RNF216: variants seen among roughly 807,000 people sequenced by gnomAD.
The protein encoded by RNF216 is E3 ubiquitin-protein ligase RNF216.
Under a neutral mutation model 110.8 loss-of-function variants are expected in RNF216, and 72 were observed. That is an observed-to-expected ratio of 0.65 (90% CI 0.54 to 0.79). The LOEUF (loss-of-function observed/expected upper bound fraction) is 0.79, where lower values mean the gene tolerates loss of function less well. Among genes scored for constraint, RNF216 ranks in the 30% least tolerant of loss-of-function variants. The pLI is 0.00. For missense variants in RNF216, 1,342 were observed against 1,141.2 expected, an observed-to-expected ratio of 1.18 and a Z score of -2.54; for synonymous variants, 495 against 407.5, an observed-to-expected ratio of 1.21 and a Z score of -2.59.
At chr7:5,657,786 T>G (rs1163093333) in intron 13 of RNF216, among the ~76,000 whole-genome samples, 2 of 152,142 alleles carry the variant, frequency 1.3e-5, no homozygotes, top group Admixed American at 1.3e-4. Context: ...GATTTTAAGA[T>G]GGAACCCCTT....
chr7:5,722,841 G>A (rs902085138), intron 8 of RNF216, among the ~76,000 whole-genome samples: 6 of 149,088 alleles, frequency 4.0e-5, no homozygotes, highest in African/African-American at 1.6e-4. Flanking sequence ...GTCCAACATG[G>A]TGAAACCCCC....
chr7:5,779,590 TG>T (rs1796963428), intron 1 of RNF216, among the ~76,000 whole-genome samples: 1 of 151,510 alleles, frequency 6.6e-6, no homozygotes, highest in South Asian at 2.1e-4. Flanking sequence ...CTGTAATTCT[TG>T]TGCTTTGGGA....
rs766171325 is a variant in RNF216 at position 5,712,696 on chromosome 7, G to C, written c.1982+19C>G. The C allele has an allele frequency of 6.2e-6, 10 of 1,613,422 alleles. No individual in the cohort carries two copies. In the Middle Eastern group the frequency reaches 1.7e-3, roughly 267 times the overall value. Reference sequence around the variant, plus strand: ...ATGGGGAAGAGTTGGCAGATGGCACGCTCTGCCTGAGAACGAACCTGACAA... The same window carrying C: ...ATGGGGAAGAGTTGGCAGATGGCACCCTCTGCCTGAGAACGAACCTGACAA... On this transcript the variant is annotated intron_variant, in intron 12 of 16. Transcript: ENST00000389902.
At chr7:5,648,496 C>A (rs1357456569) in intron 14 of RNF216, among the ~76,000 whole-genome samples, 3 of 151,258 alleles carry the variant, frequency 2.0e-5, no homozygotes, top group Non-Finnish European at 4.4e-5. Context: ...GAGGCCAAGG[C>A]AGGCGGATCA....
intron 1 of RNF216, among the ~76,000 whole-genome samples, chr7:5,769,797 G>C (rs1796398220): frequency 6.6e-6 from 1 of 151,782 alleles, no homozygotes; most frequent in Non-Finnish European, 1.5e-5. Context: ...AGCACTTTGG[G>C]AGGCCAAGAT....
At chr7:5,691,896 G>C (rs1311936700) in intron 13 of RNF216, among the ~76,000 whole-genome samples, 1 of 152,214 alleles carries the variant, frequency 6.6e-6, no homozygotes, top group African/African-American at 2.4e-5. Context: ...TTTTACAGCG[G>C]AAGTCAAGAC....
At chr7:5,682,725 A>G (rs1790740212) in intron 13 of RNF216, among the ~76,000 whole-genome samples, 1 of 152,174 alleles carries the variant, frequency 6.6e-6, no homozygotes, top group African/African-American at 2.4e-5. Flanking sequence ...ACTTTTAAAT[A>G]AGTAGCATGT....
intron 3 of RNF216, among the ~76,000 whole-genome samples, chr7:5,742,462 A>C (rs1794810683): frequency 6.6e-6 from 1 of 152,226 alleles, no homozygotes; most frequent in African/African-American, 2.4e-5. Flanking sequence ...ACATATAAAA[A>C]AATCTAAATC....
chr7:5,766,871 G>T (rs1349786166), intron 1 of RNF216: 1 of 152,206 alleles, frequency 6.6e-6, no homozygotes, highest in South Asian at 2.1e-4. Flanking sequence ...GGGTGCGTGT[G>T]TATGTTTAGA....
chr7:5,725,500 G>T, intron 7 of RNF216, 62 bp from the exon 8 acceptor site: 2 of 951,900 alleles, frequency 2.1e-6, no homozygotes, highest in Non-Finnish European at 3.4e-6. Flanking sequence ...CACGAGACAG[G>T]CAATCCCTGA....
intron 3 of RNF216, among the ~76,000 whole-genome samples, chr7:5,748,688 G>C (rs1795174404): frequency 6.6e-6 from 1 of 150,506 alleles, no homozygotes; most frequent in Non-Finnish European, 1.5e-5. Context: ...TGTTAACCAT[G>C]TTATTGGTCA....
intron 13 of RNF216, among the ~76,000 whole-genome samples, chr7:5,709,743 G>A (rs941947543): frequency 2.2e-5 from 1 of 45,034 alleles, no homozygotes; most frequent in Non-Finnish European, 9.4e-5. Context: ...TGTGCCCTCA[G>A]GCTTTTATTT....
chr7:5,656,303 G>A (rs1180527516), intron 13 of RNF216, among the ~76,000 whole-genome samples: 2 of 152,128 alleles, frequency 1.3e-5, no homozygotes, highest in South Asian at 2.1e-4. Context: ...TTACAGGTGT[G>A]AGCCACTGCG....
At chr7:5,623,415 G>T (rs1326148221) in intron 16 of RNF216, among the ~76,000 whole-genome samples, 1 of 151,674 alleles carries the variant, frequency 6.6e-6, no homozygotes, top group Non-Finnish European at 1.5e-5. Context: ...CACCCAGCCA[G>T]ACATCCTTCA....
chr7:5,670,746 C>T (rs1789851563), intron 13 of RNF216, among the ~76,000 whole-genome samples: 1 of 152,148 alleles, frequency 6.6e-6, no homozygotes, highest in Non-Finnish European at 1.5e-5. Flanking sequence ...TGACTTCCCT[C>T]TCATCTTTGT....
chr7:5,732,774 A>C (rs1031038964), intron 5 of RNF216, among the ~76,000 whole-genome samples: 1 of 152,220 alleles, frequency 6.6e-6, no homozygotes, highest in Non-Finnish European at 1.5e-5. Flanking sequence ...TCGGACTTCA[A>C]TCTGCCCACC....
intron 13 of RNF216, among the ~76,000 whole-genome samples, chr7:5,669,617 G>A (rs28446539): frequency 0.061 from 9,295 of 152,246 alleles, 953 homozygotes; most frequent in African/African-American, 0.21. Context: ...TGTTGGCCAG[G>A]TGCAGTGGTT....
intron 5 of RNF216, among the ~76,000 whole-genome samples, chr7:5,734,526 T>C (rs1027666771): frequency 6.6e-6 from 1 of 151,986 alleles, no homozygotes; most frequent in Non-Finnish European, 1.5e-5. Flanking sequence ...AATAACCAAG[T>C]TTAAAAACTA....
chr7:5,694,572 G>A (rs568458537), intron 13 of RNF216, among the ~76,000 whole-genome samples: 2 of 152,262 alleles, frequency 1.3e-5, no homozygotes, highest in South Asian at 2.1e-4. Context: ...AAGTTTAAAC[G>A]ACAAAACAAA....
Sources: allele counts gnomAD v4.1 joint callset (sites outside exome capture counted in the v4.1 genomes callset), GRCh38; gene constraint gnomAD v4.1.1; transcripts MANE v1.5; gene names NCBI Gene and HGNC (gene_info 2026-07-23, HGNC 2026-07-21).